ST3GAL2: variants seen among roughly 807,000 people sequenced by gnomAD.
ST3GAL2 encodes the protein CMP-N-acetylneuraminate-beta-galactosamide-alpha-2,3-sialyltransferase 2.
Under a neutral mutation model 37.5 loss-of-function variants are expected in ST3GAL2, and 16 were observed. The observed-to-expected ratio is 0.43, with a 90% CI of 0.29 to 0.65. ST3GAL2 has a LOEUF of 0.65. Among genes scored for constraint, ST3GAL2 ranks in the 30% least tolerant of loss-of-function variants. The pLI, the probability that ST3GAL2 is intolerant of heterozygous loss-of-function variation, is 0.17. For missense variants in ST3GAL2, 383 were observed against 487.8 expected (o/e 0.79, Z 2.02); for synonymous variants, 238 against 202.9 (o/e 1.17, Z -1.47).
At chr16:70,426,103 C>T (rs1232129282) in intron 1 of ST3GAL2, among the ~76,000 whole-genome samples, 5 of 151,914 alleles carry the variant, frequency 3.3e-5, no homozygotes, top group African/African-American at 4.8e-5. Context: ...AGAACATGAC[C>T]GTCAATATAG....
At position 70,381,870 on chromosome 16, in the gene ST3GAL2, G is replaced by T; in HGVS notation, c.880-8C>A. 1 of 1,612,874 alleles carries T rather than the reference G, an allele frequency of 6.2e-7. No individual in the cohort carries two copies. The highest frequency in any genetic ancestry group is 8.5e-7 in the Non-Finnish European group (1 of 1,179,304). ...GAACCCGTACACGTTCACCTGCGGG[G>T]AAGCGCAGCGGAGCGTCACCCCAGG... On this transcript the variant is annotated splice_region_variant and splice_polypyrimidine_tract_variant and intron_variant, in intron 6 of 6. Coordinates refer to ENST00000342907, the MANE Select transcript of ST3GAL2 (RefSeq NM_006927.4).
In ST3GAL2 at chr16:70,383,547, C is replaced by CA. The variant is rs374735305; in HGVS notation, c.714-313dup. On this transcript the variant is annotated intron_variant, in intron 4 of 6. Coordinates refer to ENST00000342907, the MANE Select transcript of ST3GAL2 (RefSeq NM_006927.4). ...AGCCTGGGTGACAGAGTGAGACTGTCAAAAAAAAAAAGGAAAGGAAAGGAA... is the reference window on the plus strand; with the variant it reads ...AGCCTGGGTGACAGAGTGAGACTGTCAAAAAAAAAAAAGGAAAGGAAAGGAA... Among the ~76,000 whole-genome samples the CA allele has an allele frequency of 2.3e-3, 156 of 68,454 alleles. 2 individuals carry two copies. In the South Asian group the frequency reaches 0.026, roughly 11 times the overall value. The allele number at this position is 68,454 out of a possible 152,430, so 44.9% of individuals were successfully genotyped here.
chr16:70,400,657 TG>T (rs1344067145), intron 1 of ST3GAL2: 1 of 152,264 alleles, frequency 6.6e-6, no homozygotes, highest in Non-Finnish European at 1.5e-5. Flanking sequence ...GACATTATTC[TG>T]GGTGAGAAAT....
rs1477011700 is a variant in ST3GAL2 at position 70,398,627 on chromosome 16, C to CAA, written c.-99_-98dup. The CAA allele has an allele frequency of 8.1e-6, 10 of 1,235,700 alleles. No individual in the cohort carries two copies. Among genetic ancestry groups the CAA allele is most frequent in the African/African-American group, 3.0e-5 (2 of 66,946 alleles). The allele number at this position is 1,235,700 out of a possible 1,614,324, so 76.5% of individuals were successfully genotyped here. On this transcript the variant is annotated 5_prime_UTR_variant, in exon 2 of 7. An upstream open reading frame in the 5' UTR loses its in-frame stop. Coordinates refer to ENST00000342907, the MANE Select transcript of ST3GAL2 (RefSeq NM_006927.4). ...AGCCTGCCTATTCTGGCACCACATG[C>CAA]AAAGGGCATAGGGGCACGTGCTGCA...
chr16:70,380,944 G>A lies in ST3GAL2; in HGVS notation c.*745C>T, dbSNP rs2047397237. ...AGGGAGAGGCGCTGAGAAGGCTGCG[G>A]GTGAACGGGAGGGTCGAGGGCACAC... On this transcript the variant is annotated 3_prime_UTR_variant, in exon 7 of 7. Transcript: ENST00000342907. 6.5e-6 allele frequency: 1 copy of A among 153,506 alleles called. No homozygotes were observed. Among genetic ancestry groups the A allele is most frequent in the Admixed American group, 6.5e-5 (1 of 15,296 alleles). 9.5% of individuals were successfully genotyped at this position (153,506 alleles called of 1,614,324 possible).
intron 1 of ST3GAL2, among the ~76,000 whole-genome samples, chr16:70,411,174 C>T (rs1036881260): frequency 6.6e-6 from 1 of 151,916 alleles, no homozygotes; most frequent in Non-Finnish European, 1.5e-5. Context: ...CACCTGAGGT[C>T]AGGAGTTCGA....
rs1162461239 is a variant in ST3GAL2 at position 70,437,497 on chromosome 16, G to GC, written c.-1004+1451dup. Among the ~76,000 whole-genome samples the GC allele has an allele frequency of 3.3e-3, 363 of 110,218 alleles. 5 individuals are homozygous for GC. The highest frequency in any genetic ancestry group is 0.01 in the African/African-American group (277 of 26,740). 72.3% of individuals were successfully genotyped at this position (110,218 alleles called of 152,430 possible). A position where few individuals can be genotyped will look rare whatever the true frequency, so the allele number is the denominator to read the frequency against. On this transcript the variant is annotated intron_variant, in intron 1 of 6. Coordinates refer to ENST00000342907, the MANE Select transcript of ST3GAL2 (RefSeq NM_006927.4). ...GTAGAATGGATGACTATCCCCCTCTGCCCCCCCCGCAAAAAAAAAAAAATC... is the reference window on the plus strand; with the variant it reads ...GTAGAATGGATGACTATCCCCCTCTGCCCCCCCCCGCAAAAAAAAAAAAATC...
At chr16:70,414,850 ATTAT>A (rs144473226) in intron 1 of ST3GAL2, among the ~76,000 whole-genome samples, 11,403 of 149,780 alleles carry the variant, frequency 0.076, 1,397 homozygotes, top group African/African-American at 0.26. Flanking sequence ...TTTTTCTATT[ATTAT>A]TTATTTATTT....
At position 70,380,011 on chromosome 16, in the gene ST3GAL2, T is replaced by A. The variant is rs951673220; in HGVS notation, c.*1678A>T. ...CTCAATACTGTTTGGCATAATTGCA[T>A]TGCTTTTCATCAACACTCAAAACAG... is the stretch of plus-strand genomic sequence containing the variant. On this transcript the variant is annotated 3_prime_UTR_variant, in exon 7 of 7. Coordinates refer to ENST00000342907, the MANE Select transcript of ST3GAL2 (RefSeq NM_006927.4). The A allele has an allele frequency of 5.3e-5, 8 of 152,288 alleles. No individual in the cohort carries two copies. In the East Asian group the frequency reaches 1.5e-3, roughly 29 times the overall value. 9.4% of individuals were successfully genotyped at this position (152,288 alleles called of 1,614,324 possible).
At chr16:70,384,350 G>C (rs984469266) in intron 4 of ST3GAL2, among the ~76,000 whole-genome samples, 1 of 152,166 alleles carries the variant, frequency 6.6e-6, no homozygotes, top group Non-Finnish European at 1.5e-5. Flanking sequence ...ATTATGCTAA[G>C]TAAAGTAAGT....
chr16:70,388,447 G>A lies in ST3GAL2; in HGVS notation c.633C>T (p.Asn211=), dbSNP rs2229570. ...YPESAKNLPA[N]VSFVLVPFKV... is the part of the protein sequence containing the mutation. Reference sequence around the variant, plus strand: ...TGAAGGGCACCAGCACGAAGCTGACGTTGGCGGGCAGGTTCTTGGCACTCT... The same window carrying A: ...TGAAGGGCACCAGCACGAAGCTGACATTGGCGGGCAGGTTCTTGGCACTCT... The change falls in exon 4 of 7, where the codon AAC becomes AAT. Residue 211 remains asparagine, a synonymous_variant. Coordinates refer to ENST00000342907, the MANE Select transcript of ST3GAL2 (RefSeq NM_006927.4). The A allele has an allele frequency of 9.7e-5, 156 of 1,614,170 alleles. 1 individual carries two copies. Among genetic ancestry groups the A allele is most frequent in the African/African-American group, 7.5e-4 (56 of 75,036 alleles).
intron 1 of ST3GAL2, among the ~76,000 whole-genome samples, chr16:70,412,140 G>C (rs1312212559): frequency 6.6e-6 from 1 of 152,086 alleles, no homozygotes; most frequent in African/African-American, 2.4e-5. Context: ...TTCAGCAAAG[G>C]TCTGTAGGTG....
chr16:70,415,541 T>TC (rs778919890), intron 1 of ST3GAL2, among the ~76,000 whole-genome samples: 15 of 152,148 alleles, frequency 9.9e-5, no homozygotes, highest in Admixed American at 3.9e-4. Context: ...TCTCTCCATC[T>TC]CCCGGGTTCA....
At chr16:70,390,463 G>T (rs2047475137) in intron 3 of ST3GAL2, among the ~76,000 whole-genome samples, 2 of 152,256 alleles carry the variant, frequency 1.3e-5, no homozygotes, top group South Asian at 4.1e-4. Context: ...CCTATAAGAT[G>T]GTGAAAGTAA....
intron 1 of ST3GAL2, among the ~76,000 whole-genome samples, chr16:70,434,201 G>A: frequency 6.6e-6 from 1 of 152,318 alleles, no homozygotes; most frequent in South Asian, 2.1e-4. Context: ...CAGTTTGGGA[G>A]GCCGAGGCAG....
At chr16:70,424,060 A>AAAAAC (rs925660056) in intron 1 of ST3GAL2, among the ~76,000 whole-genome samples, 14 of 151,942 alleles carry the variant, frequency 9.2e-5, no homozygotes, top group African/African-American at 1.7e-4. Context: ...TTCGTCTCAA[A>AAAAAC]AAAACAAAAC....
Position 70,377,623 on chromosome 16 carries a change from G to C in ST3GAL2, c.*4066C>G, listed in dbSNP as rs1185825457. ...GCAGATCACGAGGTCAGGAGTTCAAGACCAGCCTGGCCAACATGGTGAAAC... is the reference window on the plus strand; with the variant it reads ...GCAGATCACGAGGTCAGGAGTTCAACACCAGCCTGGCCAACATGGTGAAAC... On this transcript the variant is annotated 3_prime_UTR_variant, in exon 7 of 7. Coordinates refer to ENST00000342907, the MANE Select transcript of ST3GAL2 (RefSeq NM_006927.4). 6.6e-6 allele frequency: 1 copy of C among 152,018 alleles called. No individual in the cohort carries two copies. Among genetic ancestry groups the C allele is most frequent in the Non-Finnish European group, 1.5e-5 (1 of 68,058 alleles). 9.4% of individuals were successfully genotyped at this position (152,018 alleles called of 1,614,324 possible).
At chr16:70,415,708 T>C (rs2047671912) in intron 1 of ST3GAL2, among the ~76,000 whole-genome samples, 1 of 150,104 alleles carries the variant, frequency 6.7e-6, no homozygotes, top group East Asian at 2.0e-4. Flanking sequence ...CACCTCGGCC[T>C]CCCAAAGTGC....
rs1319823681 is a variant in ST3GAL2, at chr16:70,382,927, G to T, written c.760-3C>A. 6.2e-7 allele frequency: 1 copy of T among 1,612,538 alleles called. No homozygotes were observed. The highest frequency in any genetic ancestry group is 8.5e-7 in the Non-Finnish European group (1 of 1,179,272). ...AAGGCTGGGTTGTAGATCTGGACCT[G>T]GGAGGAGAAGGGATGACAGGTATAT... On this transcript the variant is annotated splice_polypyrimidine_tract_variant and splice_region_variant and intron_variant, in intron 5 of 6. Coordinates refer to ENST00000342907, the MANE Select transcript of ST3GAL2 (RefSeq NM_006927.4).
Sources: gnomAD v4.1 joint callset for allele counts (sites outside exome capture counted in the v4.1 genomes callset) on GRCh38, gnomAD v4.1.1 for gene constraint, MANE v1.5 for transcripts, NCBI Gene and HGNC (gene_info 2026-07-23, HGNC 2026-07-21) for gene names.